The following ATP6V1H variants were observed in gnomAD, a reference collection of about 807,000 sequenced individuals.
ATP6V1H encodes ATPase H+ transporting V1 subunit H.
ATP6V1H carries 39 observed loss-of-function variants against 71.7 expected under a neutral mutation model. The observed-to-expected ratio is 0.54, with a 90% CI of 0.42 to 0.71. The LOEUF (loss-of-function observed/expected upper bound fraction) is 0.71, where lower values mean the gene tolerates loss of function less well. ATP6V1H is among the 30% of genes least tolerant of loss of function. The probability of loss-of-function intolerance (pLI) is 0.00; values close to 1 mark genes in which losing one functional copy is unlikely to be tolerated. For synonymous variants in ATP6V1H, 192 were observed against 199.3 expected, an observed-to-expected ratio of 0.96 and a Z score of 0.31; for missense variants, 509 against 594.9, an observed-to-expected ratio of 0.86 and a Z score of 1.50.
At chr8:53,779,346 T>C (rs1585777347) in intron 9 of ATP6V1H, among the ~76,000 whole-genome samples, 1 of 151,932 alleles carries the variant, frequency 6.6e-6, no homozygotes, top group Non-Finnish European at 1.5e-5. Context: ...TTAACCGTAA[T>C]GGAATTAAGC....
chr8:53,786,990 C>T lies in ATP6V1H; in HGVS notation c.870+8657G>A, dbSNP rs182791073. ...TATGAAACACAGTAAGAATGAATTTCAAGACATGTAAAATACAAGTTCAAT... is the reference window on the plus strand; with the variant it reads ...TATGAAACACAGTAAGAATGAATTTTAAGACATGTAAAATACAAGTTCAAT... On this transcript the variant is annotated intron_variant, in intron 9 of 13. Coordinates refer to ENST00000359530, the MANE Select transcript of ATP6V1H (RefSeq NM_015941.4). Among the ~76,000 whole-genome samples, 338 of 152,316 alleles carry T rather than the reference C, an allele frequency of 2.2e-3. 2 individuals are homozygous for T. The highest frequency in any genetic ancestry group is 7.9e-3 in the African/African-American group (327 of 41,576).
chr8:53,840,722 A>C (rs1199056841), intron 2 of ATP6V1H, among the ~76,000 whole-genome samples: 1 of 152,172 alleles, frequency 6.6e-6, no homozygotes, highest in Admixed American at 6.5e-5. Context: ...TCCTACAACA[A>C]CACAAACTAT....
At chr8:53,817,244 A>C (rs1810480777) in intron 5 of ATP6V1H, among the ~76,000 whole-genome samples, 173 bp downstream of exon 5, 1 of 152,050 alleles carries the variant, frequency 6.6e-6, no homozygotes, top group African/African-American at 2.4e-5. Flanking sequence ...ATTTAAAAAA[A>C]AAAAAAAATC....
At chr8:53,747,121 TAATATA>T (rs781756973) in intron 12 of ATP6V1H, among the ~76,000 whole-genome samples, 36 of 152,330 alleles carry the variant, frequency 2.4e-4, no homozygotes, top group Admixed American at 6.5e-4. Flanking sequence ...TTTTCTATCT[TAATATA>T]AATAATTCAG....
intron 9 of ATP6V1H, among the ~76,000 whole-genome samples, chr8:53,784,565 T>G (rs1458120461): frequency 6.6e-6 from 1 of 152,214 alleles, no homozygotes; most frequent in Non-Finnish European, 1.5e-5. Flanking sequence ...TATGTGTGAA[T>G]TTGATCCTGT....
intron 9 of ATP6V1H, among the ~76,000 whole-genome samples, chr8:53,772,903 C>CAAAAAAAAAAAAAAAAAAAA (rs201949406): frequency 1.7e-5 from 1 of 59,404 alleles, no homozygotes; most frequent in Non-Finnish European, 3.7e-5. Flanking sequence ...CTATCAAATG[C>CAAAAAAAAAAAAAAAAAAAA]AAAAAAAAAA....
chr8:53,751,961 C>T (rs553103840), intron 12 of ATP6V1H, among the ~76,000 whole-genome samples: 2 of 152,168 alleles, frequency 1.3e-5, no homozygotes, highest in Non-Finnish European at 2.9e-5. Flanking sequence ...AGCCACTGTG[C>T]CCGGCCAATA....
chr8:53,725,314 TACA>T (rs1224187043), intron 13 of ATP6V1H, among the ~76,000 whole-genome samples: 7 of 152,106 alleles, frequency 4.6e-5, no homozygotes, highest in Non-Finnish European at 8.8e-5. Context: ...CGTGGGACTC[TACA>T]GAGTCCTCAC....
At chr8:53,753,916 A>G (rs1284887059) in intron 12 of ATP6V1H, among the ~76,000 whole-genome samples, 1 of 152,212 alleles carries the variant, frequency 6.6e-6, no homozygotes, top group Non-Finnish European at 1.5e-5. Context: ...GGTAGAACAC[A>G]TGAGACTCCT....
At chr8:53,786,337 C>A (rs1181562076) in intron 9 of ATP6V1H, among the ~76,000 whole-genome samples, 1 of 152,206 alleles carries the variant, frequency 6.6e-6, no homozygotes, top group East Asian at 1.9e-4. Context: ...TCCTCCGAGC[C>A]AGTTGCGGGA....
At chr8:53,775,376 T>C (rs1713888377) in intron 9 of ATP6V1H, among the ~76,000 whole-genome samples, 1 of 152,218 alleles carries the variant, frequency 6.6e-6, no homozygotes. Flanking sequence ...GGGTTGCCAA[T>C]GCTGGCTCGG....
chr8:53,763,150 C>T (rs901438783), intron 11 of ATP6V1H, among the ~76,000 whole-genome samples: 4 of 152,228 alleles, frequency 2.6e-5, no homozygotes, highest in South Asian at 4.1e-4. Context: ...AAGTTATACA[C>T]GGCTTTTTGA....
intron 4 of ATP6V1H, among the ~76,000 whole-genome samples, chr8:53,820,956 G>A (rs1285147479): frequency 6.7e-6 from 1 of 148,702 alleles, no homozygotes; most frequent in African/African-American, 2.5e-5. Context: ...ACTCCAGCCT[G>A]GATGACAAGA....
chr8:53,767,572 C>G (rs1318711180), intron 11 of ATP6V1H, among the ~76,000 whole-genome samples: 3 of 151,994 alleles, frequency 2.0e-5, no homozygotes, highest in East Asian at 3.9e-4. Flanking sequence ...TCCTGTTTTC[C>G]AAACTGACTA....
intron 9 of ATP6V1H, among the ~76,000 whole-genome samples, chr8:53,785,832 A>C (rs1404066078): frequency 6.6e-6 from 1 of 152,204 alleles, no homozygotes; most frequent in East Asian, 1.9e-4. Context: ...GGGTATCAGC[A>C]GCGGTGGCTG....
At chr8:53,796,442 T>C (rs1272175468) in intron 8 of ATP6V1H, among the ~76,000 whole-genome samples, 5 of 151,096 alleles carry the variant, frequency 3.3e-5, no homozygotes, top group African/African-American at 7.3e-5. Context: ...ATATATACAA[T>C]AGAAGAAAAG....
intron 13 of ATP6V1H, among the ~76,000 whole-genome samples, chr8:53,740,411 G>A (rs2130172455): frequency 6.6e-6 from 1 of 152,338 alleles, no homozygotes; most frequent in South Asian, 2.1e-4. Flanking sequence ...ACCCAGGGAT[G>A]CAGGCAAAGT....
rs1808268825 is a variant in ATP6V1H at position 53,761,352 on chromosome 8, A to AAAAATACCAT, written c.1176-4706_1176-4697dup. Among the ~76,000 whole-genome samples the AAAAATACCAT allele has an allele frequency of 1.4e-4, 22 of 152,018 alleles. No homozygotes were observed. In the South Asian group the frequency reaches 4.6e-3, roughly 32 times the overall value. On this transcript the variant is annotated intron_variant, in intron 11 of 13. Coordinates refer to ENST00000359530, the MANE Select transcript of ATP6V1H (RefSeq NM_015941.4). The stretch of plus-strand genomic sequence containing the variant: ...ACTCCGTCTCAAAAAAAAAAAAAAG[A>AAAAATACCAT]AAAATACCATATACCATTGTTCCTG...
At chr8:53,823,174 T>C (rs550593136) in intron 4 of ATP6V1H, among the ~76,000 whole-genome samples, 147 of 152,262 alleles carry the variant, frequency 9.7e-4, no homozygotes, top group African/African-American at 3.5e-3. Flanking sequence ...ATCAAACTTA[T>C]ACCCCTTAAG....
Sources: gnomAD v4.1 joint callset for allele counts (sites outside exome capture counted in the v4.1 genomes callset) on GRCh38, gnomAD v4.1.1 for gene constraint, MANE v1.5 for transcripts, NCBI Gene and HGNC (gene_info 2026-07-23, HGNC 2026-07-21) for gene names.